The following BNC2 variants were observed in gnomAD, a reference collection of about 807,000 sequenced individuals.
BNC2 encodes the protein basonuclin zinc finger protein 2.
In BNC2, 20 loss-of-function variants were observed where a neutral mutation model predicts 76.3. That is an observed-to-expected ratio of 0.26 (90% confidence interval 0.18 to 0.38). The LOEUF is 0.38. BNC2 is among the 10% of genes least tolerant of loss of function. BNC2 has a pLI of 1.00. For synonymous variants in BNC2, 582 were observed against 514.8 expected (o/e 1.13, Z -1.77); for missense variants, 1,382 against 1,399.8 (o/e 0.99, Z 0.20).
At chr9:16,629,731 T>G (rs758230302) in intron 3 of BNC2, among the ~76,000 whole-genome samples, 1 of 152,204 alleles carries the variant, frequency 6.6e-6, no homozygotes, top group Admixed American at 6.5e-5. Context: ...AAGTGTGCAA[T>G]AGCATTATGT....
chr9:16,784,529 A>G (rs1379867510), intron 1 of BNC2, among the ~76,000 whole-genome samples: 1 of 152,096 alleles, frequency 6.6e-6, no homozygotes, highest in African/African-American at 2.4e-5. Context: ...TCAGAAAGAG[A>G]TGGAGGTAGA....
chr9:16,538,801 G>C (rs1818206453), intron 5 of BNC2, among the ~76,000 whole-genome samples: 1 of 152,154 alleles, frequency 6.6e-6, no homozygotes, highest in Admixed American at 6.5e-5. Context: ...CAAGACAGTT[G>C]AAAAATGTTT....
chr9:16,619,225 T>C (rs1346565577), intron 3 of BNC2, among the ~76,000 whole-genome samples: 1 of 151,852 alleles, frequency 6.6e-6, no homozygotes, highest in Non-Finnish European at 1.5e-5. Flanking sequence ...GAAAAATAAA[T>C]ATGTACACCA....
At chr9:16,571,965 C>G (rs10810576) in intron 4 of BNC2, among the ~76,000 whole-genome samples, 25,060 of 151,814 alleles carry the variant, frequency 0.17, 2,913 homozygotes, top group African/African-American at 0.3. Flanking sequence ...TCAGAAAAAA[C>G]ACCTCCCTAG....
At chr9:16,698,158 A>T (rs1823394068) in intron 3 of BNC2, among the ~76,000 whole-genome samples, 1 of 152,096 alleles carries the variant, frequency 6.6e-6, no homozygotes, top group Non-Finnish European at 1.5e-5. Context: ...CCATACATCT[A>T]CCTATTTACC....
intron 3 of BNC2, among the ~76,000 whole-genome samples, chr9:16,583,672 T>G (rs1346643033): frequency 6.6e-6 from 1 of 152,174 alleles, no homozygotes; most frequent in African/African-American, 2.4e-5. Context: ...CCTTGAATAT[T>G]TTTTATTCTA....
In BNC2 at chr9:16,435,621, T is replaced by C; in HGVS notation, c.2573A>G (p.Lys858Arg). 6.2e-7 allele frequency: 1 copy of C among 1,614,086 alleles called. No homozygotes were observed. Among genetic ancestry groups the C allele is most frequent in the Non-Finnish European group, 8.5e-7 (1 of 1,180,000 alleles). ...AGCCACTGTGCAGACGTGCATCTCT[T>C]TCAAGTGAACGTTCCTGTAGTGAAG... ...VKLHYRNVHL[K>R]EMHVCTVAGC... Residue 858 changes from lysine to arginine, a missense_variant, in exon 6 of 7, where the codon AAA (lysine) becomes AGA (arginine). This residue lies in a region of BNC2 where 798 missense variants were observed against 775.5 expected (regional missense o/e 1.03). Coordinates refer to ENST00000380672, the MANE Select transcript of BNC2 (RefSeq NM_017637.6).
chr9:16,740,046 CAG>C (rs1824796840), intron 1 of BNC2, among the ~76,000 whole-genome samples: 1 of 152,190 alleles, frequency 6.6e-6, no homozygotes, highest in South Asian at 2.1e-4. Context: ...GTTAGTATCT[CAG>C]GGGATATCCA....
intron 3 of BNC2, among the ~76,000 whole-genome samples, chr9:16,669,782 T>C (rs1822419675): frequency 6.6e-6 from 1 of 152,088 alleles, no homozygotes; most frequent in South Asian, 2.1e-4. Flanking sequence ...CAGAAAGAAA[T>C]CAGATACCAC....
chr9:16,816,864 T>C (rs866183377), intron 1 of BNC2, among the ~76,000 whole-genome samples: 2 of 152,210 alleles, frequency 1.3e-5, no homozygotes, highest in Non-Finnish European at 2.9e-5. Flanking sequence ...TATGGTGCTC[T>C]GGAAGAGTGA....
chr9:16,549,487 G>C (rs1431490170), intron 5 of BNC2, among the ~76,000 whole-genome samples: 2 of 152,302 alleles, frequency 1.3e-5, no homozygotes, highest in African/African-American at 4.8e-5. Context: ...AAAATGACTT[G>C]TACACTAATA....
chr9:16,686,242 T>TA (rs546035633), intron 3 of BNC2, among the ~76,000 whole-genome samples: 2 of 152,048 alleles, frequency 1.3e-5, no homozygotes, highest in Non-Finnish European at 2.9e-5. Context: ...GTCCTAATAA[T>TA]AAAAAAACAA....
chr9:16,508,279 A>T (rs1822675774), intron 5 of BNC2, among the ~76,000 whole-genome samples: 1 of 152,250 alleles, frequency 6.6e-6, no homozygotes, highest in Admixed American at 6.5e-5. Flanking sequence ...GGACTTGATC[A>T]TCGCGGACAT....
chr9:16,697,283 G>C (rs1234563690), intron 3 of BNC2, among the ~76,000 whole-genome samples: 1 of 152,130 alleles, frequency 6.6e-6, no homozygotes, highest in Admixed American at 6.5e-5. Context: ...GCTTGAACCA[G>C]GTAGTGAGCC....
At chr9:16,856,837 T>G (rs776702132) in intron 1 of BNC2, among the ~76,000 whole-genome samples, 1 of 152,196 alleles carries the variant, frequency 6.6e-6, no homozygotes, top group Non-Finnish European at 1.5e-5. Context: ...TTCGTGTTGA[T>G]AGAATGAACT....
intron 3 of BNC2, among the ~76,000 whole-genome samples, chr9:16,696,121 T>C (rs1255890335): frequency 1.3e-5 from 2 of 152,192 alleles, no homozygotes; most frequent in Non-Finnish European, 2.9e-5. Flanking sequence ...AATAACCCTT[T>C]AGCAATAATC....
chr9:16,709,718 G>C (rs1823778637), intron 3 of BNC2, among the ~76,000 whole-genome samples: 1 of 152,124 alleles, frequency 6.6e-6, no homozygotes, highest in Non-Finnish European at 1.5e-5. Flanking sequence ...CTGTGGGAGA[G>C]ACAGGGAAAG....
At chr9:16,789,716 T>C (rs1486832773) in intron 1 of BNC2, among the ~76,000 whole-genome samples, 3 of 152,218 alleles carry the variant, frequency 2.0e-5, no homozygotes, top group Non-Finnish European at 2.9e-5. Context: ...TATAGGCATA[T>C]GTTATAGTAT....
At chr9:16,791,992 C>T (rs1346185157) in intron 1 of BNC2, among the ~76,000 whole-genome samples, 4 of 151,420 alleles carry the variant, frequency 2.6e-5, no homozygotes, top group African/African-American at 9.7e-5. Flanking sequence ...GTCCCAACTA[C>T]TTGGGAGGTG....
Sources: allele counts gnomAD v4.1 joint callset (sites outside exome capture counted in the v4.1 genomes callset), GRCh38; gene constraint gnomAD v4.1.1; regional missense constraint gnomAD v4.1.1; transcripts MANE v1.5; gene names NCBI Gene and HGNC (gene_info 2026-07-23, HGNC 2026-07-21).